The following GPR149 variants were observed in gnomAD, a reference collection of about 807,000 sequenced individuals.
GPR149 encodes G protein-coupled receptor 149, also known as probable G protein-coupled receptor 149.
In GPR149, 50 loss-of-function variants were observed where a neutral mutation model predicts 50.2. The ratio of observed to expected loss-of-function variants is 1.00; its 90% CI spans 0.79 to 1.26. The LOEUF is 1.26. GPR149 is among the 50% of genes most tolerant of loss of function. The pLI is 0.00. For synonymous variants in GPR149, 405 were observed against 358.2 expected (o/e 1.13, Z -1.48); for missense variants, 983 against 895.4 (o/e 1.10, Z -1.25).
chr3:154,338,214 G>A lies in GPR149; in HGVS notation c.1681C>T (p.His561Tyr). ...GATAGGGTTTTCCCTGTAGGTGCAT[G>A]GAGAGACACAGTCCCCTGGAATGCA... ...LCAFQGTVSL[H>Y]APTGKTLSLS... is the part of the protein sequence containing the mutation. The change falls in exon 4 of 4, where the codon CAT becomes TAT. Residue 561 changes from histidine (H) to tyrosine (Y), a missense_variant. By Grantham distance (83) the His-to-Tyr change is moderately conservative. Transcript: ENST00000389740. 1 of 1,613,118 alleles carries A rather than the reference G, an allele frequency of 6.2e-7. No homozygotes were observed. Among genetic ancestry groups the A allele is most frequent in the Middle Eastern group, 1.7e-4 (1 of 6,046 alleles).
chr3:154,354,777 GC>G, intron 3 of GPR149: 1 of 701,774 alleles, frequency 1.4e-6, no homozygotes. Flanking sequence ...CCATAATGTC[GC>G]CCCAAGGAGT....
chr3:154,373,986 A>AAAAC (rs1191768538), intron 3 of GPR149, among the ~76,000 whole-genome samples: 5 of 152,198 alleles, frequency 3.3e-5, no homozygotes, highest in Middle Eastern at 3.2e-3. Context: ...AAAAAGGGAA[A>AAAAC]AAATAAACAA....
chr3:154,342,792 C>A (rs768930515), intron 3 of GPR149, among the ~76,000 whole-genome samples: 12 of 152,094 alleles, frequency 7.9e-5, no homozygotes, highest in Admixed American at 2.6e-4. Flanking sequence ...CAGAAAAAAA[C>A]CCCAGCAGAA....
chr3:154,377,368 T>C (rs1004447490), intron 3 of GPR149, among the ~76,000 whole-genome samples: 5 of 148,126 alleles, frequency 3.4e-5, no homozygotes, highest in African/African-American at 1.2e-4. Context: ...ATTATTATTA[T>C]TATTATTATT....
chr3:154,368,909 C>T (rs190170333), intron 3 of GPR149, among the ~76,000 whole-genome samples: 3 of 152,216 alleles, frequency 2.0e-5, no homozygotes, highest in African/African-American at 7.2e-5. Flanking sequence ...CACCCTGGAA[C>T]AGGTAGAATG....
chr3:154,428,373 T>G (rs751963503), intron 1 of GPR149, among the ~76,000 whole-genome samples: 1 of 152,234 alleles, frequency 6.6e-6, no homozygotes, highest in Non-Finnish European at 1.5e-5. Flanking sequence ...TATGGAAAAC[T>G]AAGTCGCTCG....
chr3:154,342,776 CAT>C (rs2307851), intron 3 of GPR149, among the ~76,000 whole-genome samples: 67,426 of 151,822 alleles, frequency 0.44, 15,158 homozygotes, highest in East Asian at 0.5. Context: ...CTCCATAAAA[CAT>C]AAACAGAAAA....
chr3:154,367,341 C>CT (rs796275035), intron 3 of GPR149, among the ~76,000 whole-genome samples: 1,977 of 41,892 alleles, frequency 0.047, 46 homozygotes, highest in African/African-American at 0.13. Flanking sequence ...TCCCTTCCCC[C>CT]CCCCGAAACT....
chr3:154,406,940 C>T (rs1207406873), intron 3 of GPR149, among the ~76,000 whole-genome samples: 1 of 152,124 alleles, frequency 6.6e-6, no homozygotes, highest in South Asian at 2.1e-4. Context: ...GCTGGGAAGG[C>T]CTCACAATCA....
chr3:154,427,412 C>G, intron 2 of GPR149, 104 bp downstream of exon 2: 1 of 858,360 alleles, frequency 1.2e-6, no homozygotes, highest in Non-Finnish European at 1.8e-6. Context: ...GACATTTATC[C>G]TTGGACTCTC....
At chr3:154,365,121 A>G (rs1047168812) in intron 3 of GPR149, among the ~76,000 whole-genome samples, 4 of 152,128 alleles carry the variant, frequency 2.6e-5, no homozygotes, top group African/African-American at 9.7e-5. Flanking sequence ...AGGTAGCAAT[A>G]CCTCCACAGC....
intron 3 of GPR149, among the ~76,000 whole-genome samples, chr3:154,366,952 A>C (rs748979959): frequency 5.9e-5 from 9 of 152,206 alleles, no homozygotes; most frequent in Non-Finnish European, 1.2e-4. Flanking sequence ...TATTGTCAAC[A>C]AATTTCCATC....
intron 3 of GPR149, among the ~76,000 whole-genome samples, chr3:154,365,365 C>T (rs576496032): frequency 6.6e-6 from 1 of 152,222 alleles, no homozygotes; most frequent in African/African-American, 2.4e-5. Flanking sequence ...CAAAGATCTC[C>T]AAAATGCCTT....
chr3:154,386,365 C>T (rs889561453), intron 3 of GPR149, among the ~76,000 whole-genome samples: 3 of 152,220 alleles, frequency 2.0e-5, no homozygotes, highest in African/African-American at 7.2e-5. Flanking sequence ...TTGTTTGCAA[C>T]AGTACAGGCT....
intron 3 of GPR149, among the ~76,000 whole-genome samples, chr3:154,416,917 T>C (rs1712008747): frequency 6.6e-6 from 1 of 152,002 alleles, no homozygotes; most frequent in South Asian, 2.1e-4. Context: ...AGGATATCTA[T>C]GTTTTTGATT....
At chr3:154,419,533 A>G (rs529001134) in intron 3 of GPR149, among the ~76,000 whole-genome samples, 126 of 152,212 alleles carry the variant, frequency 8.3e-4, no homozygotes, top group Non-Finnish European at 1.4e-3. Flanking sequence ...AGAAGGCTCA[A>G]AATTAGCAAA....
intron 3 of GPR149, among the ~76,000 whole-genome samples, chr3:154,374,561 G>A (rs955115232): frequency 5.9e-5 from 9 of 152,032 alleles, no homozygotes; most frequent in African/African-American, 2.2e-4. Flanking sequence ...CAGAAATAGA[G>A]GGATGTTTTA....
chr3:154,404,914 G>A (rs1444723024), intron 3 of GPR149, among the ~76,000 whole-genome samples: 1 of 152,076 alleles, frequency 6.6e-6, no homozygotes, highest in Non-Finnish European at 1.5e-5. Context: ...GCCTCACAAA[G>A]TAGTGAGAGC....
chr3:154,355,354 T>C (rs1340596170), intron 3 of GPR149, among the ~76,000 whole-genome samples: 1 of 152,224 alleles, frequency 6.6e-6, no homozygotes, highest in Non-Finnish European at 1.5e-5. Flanking sequence ...GAAATTTGTA[T>C]TCTCATATTT....
Sources: gnomAD v4.1 joint callset for allele counts (sites outside exome capture counted in the v4.1 genomes callset) on GRCh38, gnomAD v4.1.1 for gene constraint, MANE v1.5 for transcripts, NCBI Gene and HGNC (gene_info 2026-07-23, HGNC 2026-07-21) for gene names.